THSD7B: variants seen among roughly 807,000 people sequenced by gnomAD.
THSD7B encodes the protein thrombospondin type-1 domain-containing protein 7B.
Under a neutral mutation model 213.6 loss-of-function variants are expected in THSD7B, and 138 were observed. The observed-to-expected ratio is 0.65, with a 90% CI of 0.56 to 0.74. The LOEUF (loss-of-function observed/expected upper bound fraction) is 0.74, where lower values mean the gene tolerates loss of function less well. THSD7B is among the 30% of genes least tolerant of loss of function. The pLI is 0.00. For synonymous variants in THSD7B, 742 were observed against 687.0 expected, an observed-to-expected ratio of 1.08 and a Z score of -1.25; for missense variants, 1,931 against 1,991.5, an observed-to-expected ratio of 0.97 and a Z score of 0.58.
intron 12 of THSD7B, among the ~76,000 whole-genome samples, chr2:137,312,425 C>G (rs1234380043): frequency 1.4e-5 from 2 of 145,880 alleles, no homozygotes; most frequent in African/African-American, 5.2e-5. Context: ...TGCTAGTGGT[C>G]TATCAATTTT....
intron 12 of THSD7B, among the ~76,000 whole-genome samples, chr2:137,340,294 G>C (rs569553403): frequency 6.6e-6 from 1 of 151,828 alleles, no homozygotes; most frequent in Non-Finnish European, 1.5e-5. Context: ...AGGATGTAAA[G>C]GTTTTAGGAG....
intron 2 of THSD7B, among the ~76,000 whole-genome samples, chr2:136,941,091 T>G (rs981309647): frequency 6.6e-6 from 1 of 152,010 alleles, no homozygotes; most frequent in African/African-American, 2.4e-5. Context: ...TATGTATGAG[T>G]GAGAACATGT....
chr2:137,074,353 C>G (rs892556132), intron 3 of THSD7B, among the ~76,000 whole-genome samples: 2 of 152,012 alleles, frequency 1.3e-5, no homozygotes, highest in Middle Eastern at 3.2e-3. Context: ...CCTTCTTTGT[C>G]TCTTTTGATC....
At chr2:136,956,601 C>CAAAAAAA (rs10676991) in intron 2 of THSD7B, among the ~76,000 whole-genome samples, 37 of 121,614 alleles carry the variant, frequency 3.0e-4, no homozygotes, top group Middle Eastern at 4.4e-3. Flanking sequence ...GACCCTGTCT[C>CAAAAAAA]AAAAAAAAAA....
intron 1 of THSD7B, among the ~76,000 whole-genome samples, chr2:136,784,117 G>A (rs1026151247): frequency 2.0e-5 from 3 of 152,138 alleles, no homozygotes; most frequent in Non-Finnish European, 4.4e-5. Flanking sequence ...TCTCTCTTTA[G>A]TTTCAAATCA....
At chr2:137,221,278 C>T (rs775581297) in intron 7 of THSD7B, among the ~76,000 whole-genome samples, 11 of 151,544 alleles carry the variant, frequency 7.3e-5, no homozygotes, top group Non-Finnish European at 1.5e-4. Context: ...CAGAGCAAGG[C>T]TCCGTCTCAA....
At chr2:137,656,722 C>T in intron 22 of THSD7B, 74 bp from the exon 23 acceptor site, 1 of 1,432,662 alleles carries the variant, frequency 7.0e-7, no homozygotes, top group Non-Finnish European at 9.5e-7. Context: ...TCTGTGTGAG[C>T]CCTGCCCATG....
intron 7 of THSD7B, among the ~76,000 whole-genome samples, chr2:137,174,522 A>G (rs1326354711): frequency 6.6e-6 from 1 of 152,196 alleles, no homozygotes; most frequent in East Asian, 1.9e-4. Context: ...GTTATCTTAG[A>G]TTTGAGTAGT....
chr2:137,516,962 G>C (rs1420385443), intron 15 of THSD7B, among the ~76,000 whole-genome samples: 1 of 152,270 alleles, frequency 6.6e-6, no homozygotes, highest in Non-Finnish European at 1.5e-5. Flanking sequence ...GCAGAAGACA[G>C]ATGGATCTTG....
chr2:137,103,077 C>G (rs531914576), intron 4 of THSD7B, among the ~76,000 whole-genome samples: 4 of 152,208 alleles, frequency 2.6e-5, no homozygotes, highest in Admixed American at 2.6e-4. Context: ...CCCCAAGACA[C>G]AAAATCGTCG....
intron 2 of THSD7B, among the ~76,000 whole-genome samples, chr2:137,043,039 A>C (rs769147633): frequency 1.3e-5 from 2 of 152,174 alleles, no homozygotes; most frequent in Non-Finnish European, 2.9e-5. Flanking sequence ...GAAGGTTTGC[A>C]TGTCCCATGG....
intron 12 of THSD7B, among the ~76,000 whole-genome samples, chr2:137,311,230 A>C (rs1180374085): frequency 6.6e-6 from 1 of 151,286 alleles, no homozygotes; most frequent in African/African-American, 2.4e-5. Flanking sequence ...CATCCCTTGT[A>C]AGTTGGATTC....
In THSD7B at chr2:137,292,830, C is replaced by T. The variant is rs191974969; in HGVS notation, c.2500+16804C>T. ...ACTTCTTCCTCATAACCCTGCTCTGCGTTGGCCATTCCATGTATATCATAA... is the reference window on the plus strand; with the variant it reads ...ACTTCTTCCTCATAACCCTGCTCTGTGTTGGCCATTCCATGTATATCATAA... On this transcript the variant is annotated intron_variant, in intron 12 of 27. Coordinates refer to ENST00000409968, the MANE Select transcript of THSD7B (RefSeq NM_001316349.2). 1.8e-4 allele frequency among the ~76,000 whole-genome samples: 28 copies of T among 152,252 alleles called. No homozygotes were observed. In the East Asian group the frequency reaches 4.6e-3, roughly 25 times the overall value.
chr2:136,942,046 G>A (rs1404544954), intron 2 of THSD7B, among the ~76,000 whole-genome samples: 2 of 152,198 alleles, frequency 1.3e-5, no homozygotes, highest in Non-Finnish European at 2.9e-5. Flanking sequence ...AAGGGATCCA[G>A]TTTCAGCTTT....
chr2:137,205,448 G>T (rs527767772), intron 7 of THSD7B, among the ~76,000 whole-genome samples: 2 of 151,532 alleles, frequency 1.3e-5, no homozygotes, highest in East Asian at 3.9e-4. Context: ...TGCTGAGGAT[G>T]TTGCCAGGAA....
chr2:137,256,121 C>T (rs985570531), intron 10 of THSD7B, among the ~76,000 whole-genome samples: 1 of 151,988 alleles, frequency 6.6e-6, no homozygotes, highest in Non-Finnish European at 1.5e-5. Flanking sequence ...ATGTCTTGTT[C>T]TCTGCTGAAA....
At chr2:137,142,479 T>C (rs1352188616) in intron 5 of THSD7B, among the ~76,000 whole-genome samples, 1 of 152,154 alleles carries the variant, frequency 6.6e-6, no homozygotes, top group African/African-American at 2.4e-5. Flanking sequence ...TTTGGAGGGT[T>C]GAGCATTCAA....
chr2:137,108,691 C>T (rs1367720581), intron 4 of THSD7B, among the ~76,000 whole-genome samples: 1 of 152,102 alleles, frequency 6.6e-6, no homozygotes, highest in African/African-American at 2.4e-5. Context: ...CTGCATCTAC[C>T]TTTTGAGAAT....
intron 12 of THSD7B, among the ~76,000 whole-genome samples, chr2:137,395,018 C>G (rs969661236): frequency 1.4e-5 from 2 of 143,112 alleles, no homozygotes; most frequent in African/African-American, 5.2e-5. Context: ...ATTTTGTATC[C>G]TGAGACTTTG....
Sources: allele counts gnomAD v4.1 joint callset (sites outside exome capture counted in the v4.1 genomes callset), GRCh38; gene constraint gnomAD v4.1.1; transcripts MANE v1.5; gene names NCBI Gene and HGNC (gene_info 2026-07-23, HGNC 2026-07-21).